The following CPVL variants were observed in gnomAD, a reference collection of about 807,000 sequenced individuals.
CPVL encodes probable serine carboxypeptidase CPVL.
In CPVL, 51 loss-of-function variants were observed where a neutral mutation model predicts 63.7. The observed-to-expected ratio is 0.80, with a 90% CI of 0.64 to 1.01. The LOEUF (loss-of-function observed/expected upper bound fraction) is 1.01, where lower values mean the gene tolerates loss of function less well. Ranked by LOEUF, CPVL falls within the 50% of genes least tolerant of loss-of-function variation. CPVL has a pLI of 0.00. For missense variants in CPVL, 530 were observed against 573.1 expected, an observed-to-expected ratio of 0.92 and a Z score of 0.77; for synonymous variants, 195 against 206.0, an observed-to-expected ratio of 0.95 and a Z score of 0.46.
At chr7:28,996,304 C>T (rs1199147256) in intron 12 of CPVL, 1 of 154,850 alleles carries the variant, frequency 6.5e-6, no homozygotes, top group African/African-American at 2.4e-5. Flanking sequence ...TTCCACCCTT[C>T]AGTTAGCCAG....
At chr7:29,167,313 A>T (rs1190008573) in intron 5 of CPVL, among the ~76,000 whole-genome samples, 1 of 152,204 alleles carries the variant, frequency 6.6e-6, no homozygotes, top group Non-Finnish European at 1.5e-5. Flanking sequence ...TCTGAAATTC[A>T]ACCAGATGAA....
At position 29,104,523 on chromosome 7, in the gene CPVL, C is replaced by T. The variant is rs117034957; in HGVS notation, c.288+8181G>A. Among the ~76,000 whole-genome samples, 480 of 152,286 alleles carry T rather than the reference C, an allele frequency of 3.2e-3. 15 individuals are homozygous for T. In the East Asian group the frequency reaches 0.066, roughly 21 times the overall value. On this transcript the variant is annotated intron_variant, in intron 3 of 12. Coordinates refer to ENST00000265394, the MANE Select transcript of CPVL (RefSeq NM_031311.5). ...TGATCCACCTGCTTTGGCCTCCCAACGTACTGGGATTATAGGCATGAGCCA... is the reference window on the plus strand; with the variant it reads ...TGATCCACCTGCTTTGGCCTCCCAATGTACTGGGATTATAGGCATGAGCCA...
intron 1 of CPVL, among the ~76,000 whole-genome samples, chr7:29,123,242 T>G (rs377399639): frequency 1.3e-5 from 2 of 152,148 alleles, no homozygotes; most frequent in African/African-American, 4.8e-5. Context: ...TAAAAGCTTT[T>G]CAGGCACATT....
At chr7:29,071,716 CTCCCT>C in intron 9 of CPVL, 52 bp downstream of exon 9, 2 of 833,398 alleles carry the variant, frequency 2.4e-6, no homozygotes, top group African/African-American at 1.7e-5. Flanking sequence ...CTCACCCGCC[CTCCCT>C]CCCCAGATGG....
chr7:29,069,032 G>T (rs1252807116), intron 9 of CPVL, among the ~76,000 whole-genome samples: 1 of 151,892 alleles, frequency 6.6e-6, no homozygotes, highest in Non-Finnish European at 1.5e-5. Context: ...CATAGGCCAG[G>T]GTCATTCTGA....
chr7:29,137,937 A>T (rs1791419385), intron 1 of CPVL, among the ~76,000 whole-genome samples: 1 of 152,224 alleles, frequency 6.6e-6, no homozygotes, highest in Non-Finnish European at 1.5e-5. Context: ...AAGAATCTTT[A>T]TCCTCTAGTG....
intron 12 of CPVL, among the ~76,000 whole-genome samples, chr7:29,016,686 G>A (rs1583994167): frequency 6.6e-6 from 1 of 152,310 alleles, no homozygotes; most frequent in East Asian, 1.9e-4. Context: ...TGCAGGGCTT[G>A]TGCTTTAGGG....
intron 11 of CPVL, among the ~76,000 whole-genome samples, chr7:29,042,709 A>T (rs912423776): frequency 1.3e-5 from 2 of 152,348 alleles, no homozygotes; most frequent in East Asian, 1.9e-4. Context: ...AAAACAGGAA[A>T]GCTGTGCTCC....
At chr7:29,140,488 C>G (rs1413152796) in intron 1 of CPVL, among the ~76,000 whole-genome samples, 1 of 152,216 alleles carries the variant, frequency 6.6e-6, no homozygotes, top group Non-Finnish European at 1.5e-5. Context: ...TGCATGAAAA[C>G]CAGTAAACCC....
chr7:29,000,746 G>A (rs140242946), intron 12 of CPVL, among the ~76,000 whole-genome samples: 2 of 152,240 alleles, frequency 1.3e-5, no homozygotes, highest in East Asian at 1.9e-4. Context: ...ATTTTAAAGC[G>A]TATGATTCGG....
chr7:29,103,180 T>TGGGGGG lies in CPVL; in HGVS notation c.289-6969_289-6964dup, dbSNP rs10568146. ...TCACTGAAACAGTAAGTTAATATAC[T>TGGGGGG]GGGGGGGGGGGGGGGGTGCTAAAAA... On this transcript the variant is annotated intron_variant, in intron 3 of 12. Transcript: ENST00000265394. 4.0e-3 allele frequency among the ~76,000 whole-genome samples: 225 copies of TGGGGGG among 56,090 alleles called. 53 individuals are homozygous for TGGGGGG. Among genetic ancestry groups the TGGGGGG allele is most frequent in the Non-Finnish European group, 5.9e-3 (168 of 28,334 alleles). 36.8% of individuals were successfully genotyped at this position (56,090 alleles called of 152,430 possible).
At chr7:29,068,007 C>CT (rs773666067) in intron 9 of CPVL, among the ~76,000 whole-genome samples, 5,826 of 141,326 alleles carry the variant, frequency 0.041, 137 homozygotes, top group Non-Finnish European at 0.053. Context: ...TATTCATATT[C>CT]TTTTTTTTTT....
At chr7:29,075,069 G>A (rs959016863) in intron 7 of CPVL, among the ~76,000 whole-genome samples, 7 of 152,056 alleles carry the variant, frequency 4.6e-5, no homozygotes, top group African/African-American at 1.4e-4. Context: ...TTATCTTCCA[G>A]TGATATTATC....
At chr7:29,039,483 A>C (rs1788857119) in intron 11 of CPVL, among the ~76,000 whole-genome samples, 1 of 152,228 alleles carries the variant, frequency 6.6e-6, no homozygotes, top group South Asian at 2.1e-4. Context: ...CCATGATGAT[A>C]ATCAGAGGTG....
intron 11 of CPVL, among the ~76,000 whole-genome samples, chr7:29,058,497 C>A (rs1314057819): frequency 2.0e-5 from 3 of 152,070 alleles, no homozygotes; most frequent in African/African-American, 7.2e-5. Flanking sequence ...CTCTTCTTCT[C>A]TTTATATAGA....
intron 5 of CPVL, among the ~76,000 whole-genome samples, chr7:29,155,071 A>G (rs541743460): frequency 6.6e-6 from 1 of 152,274 alleles, no homozygotes; most frequent in African/African-American, 2.4e-5. Context: ...ATTCACTGTC[A>G]GGAGAACAGC....
At chr7:29,114,440 T>C (rs551850568) in intron 2 of CPVL, among the ~76,000 whole-genome samples, 35 of 152,110 alleles carry the variant, frequency 2.3e-4, no homozygotes, top group African/African-American at 8.2e-4. Context: ...AGTCAGAAGG[T>C]GCAGGTGGCA....
At chr7:29,119,837 T>C (rs1789179976) in intron 2 of CPVL, among the ~76,000 whole-genome samples, 2 of 152,196 alleles carry the variant, frequency 1.3e-5, no homozygotes, top group African/African-American at 4.8e-5. Context: ...GATATCTGCA[T>C]GAACTCTGGC....
chr7:29,006,292 T>C (rs564080136), intron 12 of CPVL, among the ~76,000 whole-genome samples: 6 of 152,314 alleles, frequency 3.9e-5, no homozygotes, highest in Middle Eastern at 6.8e-3. Flanking sequence ...TTCTCTGACA[T>C]TTTGGCTGTC....
Sources: allele counts gnomAD v4.1 joint callset (sites outside exome capture counted in the v4.1 genomes callset), GRCh38; gene constraint gnomAD v4.1.1; transcripts MANE v1.5; gene names NCBI Gene and HGNC (gene_info 2026-07-23, HGNC 2026-07-21).